Variants in NEK6 observed in about 807,000 individuals in gnomAD.
The protein encoded by NEK6 is serine/threonine-protein kinase Nek6.
Under a neutral mutation model 43.5 loss-of-function variants are expected in NEK6, and 27 were observed. That is an observed-to-expected ratio of 0.62 (90% CI 0.46 to 0.86). The LOEUF is 0.86. NEK6 is among the 40% of genes least tolerant of loss of function. The pLI is 0.00. For synonymous variants in NEK6, 167 were observed against 164.1 expected (o/e 1.02, Z -0.14); for missense variants, 318 against 414.4 (o/e 0.77, Z 2.02).
intron 1 of NEK6, among the ~76,000 whole-genome samples, chr9:124,260,041 T>A (rs944675664): frequency 3.3e-5 from 5 of 152,146 alleles, no homozygotes; most frequent in African/African-American, 1.2e-4. Flanking sequence ...AATCTCCCGT[T>A]GGTCTTCTGT....
chr9:124,289,114 A>C (rs912165804), intron 1 of NEK6, among the ~76,000 whole-genome samples: 1 of 150,564 alleles, frequency 6.6e-6, no homozygotes, highest in Non-Finnish European at 1.5e-5. Flanking sequence ...CCAAAGTGCT[A>C]GGATTACAGG....
intron 5 of NEK6, 74 bp downstream of exon 5, chr9:124,321,643 C>T (rs957504584): frequency 2.0e-6 from 2 of 1,006,982 alleles, no homozygotes; most frequent in South Asian, 1.3e-5. Context: ...TTCCTTTAGC[C>T]CAGTCCCACA....
chr9:124,328,828 T>C (rs1377635632), intron 7 of NEK6, among the ~76,000 whole-genome samples: 1 of 152,192 alleles, frequency 6.6e-6, no homozygotes, highest in African/African-American at 2.4e-5. Context: ...GGGGGTTGTT[T>C]TGAAACTCTT....
chr9:124,322,724 G>T (rs748740240), intron 5 of NEK6, among the ~76,000 whole-genome samples: 8 of 152,240 alleles, frequency 5.3e-5, no homozygotes, highest in Non-Finnish European at 1.0e-4. Context: ...GCTGGGCCCC[G>T]CTGGAGCCCC....
intron 8 of NEK6, among the ~76,000 whole-genome samples, chr9:124,346,726 C>A (rs746266420): frequency 2.0e-4 from 31 of 152,302 alleles, no homozygotes; most frequent in Middle Eastern, 3.4e-3. Context: ...CCCCTGCACA[C>A]CCCCTTGAGG....
intron 1 of NEK6, among the ~76,000 whole-genome samples, chr9:124,301,140 C>A (rs762266938): frequency 2.6e-5 from 4 of 152,190 alleles, no homozygotes; most frequent in Non-Finnish European, 5.9e-5. Flanking sequence ...CACACAGGTT[C>A]TATGCACATA....
chr9:124,339,862 G>C (rs746698111), intron 8 of NEK6, among the ~76,000 whole-genome samples, 197 bp downstream of exon 8: 10 of 151,942 alleles, frequency 6.6e-5, no homozygotes, highest in Non-Finnish European at 8.8e-5. Flanking sequence ...CCAGGCTGGT[G>C]GAGGCTGTTA....
chr9:124,259,938 G>T (rs1830964830), intron 1 of NEK6, among the ~76,000 whole-genome samples: 1 of 152,216 alleles, frequency 6.6e-6, no homozygotes, highest in Non-Finnish European at 1.5e-5. Flanking sequence ...ATTTCTGGTG[G>T]GTTTGAACAA....
At chr9:124,314,913 G>A (rs1833739683) in intron 4 of NEK6, among the ~76,000 whole-genome samples, 1 of 152,156 alleles carries the variant, frequency 6.6e-6, no homozygotes, top group Non-Finnish European at 1.5e-5. Context: ...ATCCACCTCA[G>A]CCTCCCAAAG....
At chr9:124,303,608 T>C (rs931285110) in intron 2 of NEK6, among the ~76,000 whole-genome samples, 3 of 152,162 alleles carry the variant, frequency 2.0e-5, no homozygotes, top group Non-Finnish European at 4.4e-5. Flanking sequence ...GGGGTGTGTG[T>C]ATATGCATAC....
chr9:124,283,971 G>T (rs555788100), intron 1 of NEK6, among the ~76,000 whole-genome samples: 61 of 152,384 alleles, frequency 4.0e-4, no homozygotes, highest in African/African-American at 1.3e-3. Flanking sequence ...CCCAGCACTT[G>T]TGTGTCCATT....
At chr9:124,291,954 A>G in intron 1 of NEK6, 1 of 986,250 alleles carries the variant, frequency 1.0e-6, no homozygotes, top group Non-Finnish European at 1.2e-6. Flanking sequence ...ATGCGGAGAC[A>G]GAGGCCCTTC....
intron 2 of NEK6, among the ~76,000 whole-genome samples, chr9:124,304,716 A>G (rs555029140): frequency 3.3e-5 from 5 of 152,336 alleles, no homozygotes; most frequent in African/African-American, 9.6e-5. Context: ...TTAACCTGCT[A>G]TGCCCAAGGC....
intron 1 of NEK6, among the ~76,000 whole-genome samples, chr9:124,282,719 A>C (rs1831973133): frequency 6.6e-6 from 1 of 152,310 alleles, no homozygotes; most frequent in African/African-American, 2.4e-5. Context: ...CTACGCTTTC[A>C]TACAGGCCCC....
chr9:124,291,289 G>C (rs1007823897), intron 1 of NEK6, among the ~76,000 whole-genome samples: 1 of 152,108 alleles, frequency 6.6e-6, no homozygotes, highest in Non-Finnish European at 1.5e-5. Flanking sequence ...CAAGGATTTG[G>C]GCCCAGTTTA....
intron 1 of NEK6, among the ~76,000 whole-genome samples, chr9:124,279,985 A>G (rs576195927): frequency 1.3e-5 from 2 of 152,334 alleles, no homozygotes; most frequent in African/African-American, 4.8e-5. Flanking sequence ...GAGTGGGTTA[A>G]CCCTGGTGTT....
chr9:124,276,343 A>C (rs1029026304), intron 1 of NEK6, among the ~76,000 whole-genome samples: 5 of 152,156 alleles, frequency 3.3e-5, no homozygotes, highest in Admixed American at 6.5e-5. Flanking sequence ...TCTCCTCATC[A>C]GTCAAGGAGG....
chr9:124,261,554 C>T, intron 1 of NEK6: 5 of 985,426 alleles, frequency 5.1e-6, no homozygotes, highest in Non-Finnish European at 6.0e-6. Flanking sequence ...ACTCACAGTC[C>T]TAAATATCTG....
rs1217602565 is a variant in NEK6, at chr9:124,343,407, C to G, written c.717+3742C>G. Among the ~76,000 whole-genome samples, 1 of 152,074 alleles carries G rather than the reference C, an allele frequency of 6.6e-6. No homozygotes were observed. Among genetic ancestry groups the G allele is most frequent in the Non-Finnish European group, 1.5e-5 (1 of 67,986 alleles). On this transcript the variant is annotated intron_variant, in intron 8 of 9. Coordinates refer to ENST00000320246, the MANE Select transcript of NEK6 (RefSeq NM_014397.6). This position sits in a 1 kb window ranked among gnomAD's most constrained non-coding sequence, Gnocchi z 5.1. ...GTCAAGCCCTGAGGGGATTAGCGTC[C>G]TCAGGGACATCAGGCGCTGACCTAA...
Sources: allele counts gnomAD v4.1 joint callset (sites outside exome capture counted in the v4.1 genomes callset), GRCh38; gene constraint gnomAD v4.1.1; non-coding constraint Gnocchi (gnomAD v3.1); transcripts MANE v1.5; gene names NCBI Gene and HGNC (gene_info 2026-07-23, HGNC 2026-07-21).